KHDRBS2: variants seen among roughly 807,000 people sequenced by gnomAD.
The protein encoded by KHDRBS2 is KH RNA binding domain containing, signal transduction associated 2.
In KHDRBS2, 26 loss-of-function variants were observed where a neutral mutation model predicts 44.3. That is an observed-to-expected ratio of 0.59 (90% CI 0.43 to 0.81). The LOEUF (loss-of-function observed/expected upper bound fraction) is 0.81, where lower values mean the gene tolerates loss of function less well. KHDRBS2 is among the 40% of genes least tolerant of loss of function. KHDRBS2 has a pLI of 0.00. For synonymous variants in KHDRBS2, 194 were observed against 151.1 expected, an observed-to-expected ratio of 1.28 and a Z score of -2.08; for missense variants, 476 against 433.1, an observed-to-expected ratio of 1.10 and a Z score of -0.88.
the KHDRBS2 span, among the ~76,000 whole-genome samples, chr6:61,624,695 C>T: frequency 0.15 from 22,527 of 152,030 alleles, 2,097 homozygotes; most frequent in South Asian, 0.27. Context: ...TCTATGGCAC[C>T]GCTGGAGTGA....
chr6:61,713,246 T>C (rs1220211282), intron 7 of KHDRBS2, among the ~76,000 whole-genome samples: 1 of 151,680 alleles, frequency 6.6e-6, no homozygotes, highest in Non-Finnish European at 1.5e-5. Flanking sequence ...AACCATTCTG[T>C]TTCTAGCACC....
intron 4 of KHDRBS2, among the ~76,000 whole-genome samples, chr6:61,958,537 A>G (rs906352366): frequency 1.3e-5 from 2 of 152,212 alleles, no homozygotes; most frequent in African/African-American, 4.8e-5. Flanking sequence ...TCTCACCAAC[A>G]GTGATATTTC....
At chr6:62,065,541 C>G (rs1462347882) in intron 2 of KHDRBS2, among the ~76,000 whole-genome samples, 1 of 147,478 alleles carries the variant, frequency 6.8e-6, no homozygotes, top group Non-Finnish European at 1.5e-5. Flanking sequence ...GAACAAAAAA[C>G]CAAACACCGC....
intron 4 of KHDRBS2, among the ~76,000 whole-genome samples, chr6:61,967,082 T>C (rs533937553): frequency 2.6e-5 from 4 of 151,918 alleles, no homozygotes; most frequent in East Asian, 1.9e-4. Context: ...TAGTTTCCTT[T>C]ATAATTTTAA....
At chr6:61,567,972 G>T in the KHDRBS2 span, among the ~76,000 whole-genome samples, 1 of 151,908 alleles carries the variant, frequency 6.6e-6, no homozygotes, top group African/African-American at 2.4e-5. Flanking sequence ...GTAGTTTCAT[G>T]TCTTAAATAT....
intron 6 of KHDRBS2, among the ~76,000 whole-genome samples, chr6:61,766,346 A>G (rs1369141062): frequency 4.0e-5 from 6 of 151,498 alleles, no homozygotes; most frequent in Non-Finnish European, 8.8e-5. Flanking sequence ...CTCTGATTTT[A>G]TTTATTTGGG....
the KHDRBS2 span, among the ~76,000 whole-genome samples, chr6:61,557,194 G>A: frequency 6.6e-6 from 1 of 152,010 alleles, no homozygotes; most frequent in Non-Finnish European, 1.5e-5. Context: ...TTTAGAATAG[G>A]AGCATAATAA....
At chr6:61,774,926 C>T (rs1435752266) in intron 6 of KHDRBS2, among the ~76,000 whole-genome samples, 1 of 152,086 alleles carries the variant, frequency 6.6e-6, no homozygotes, top group African/African-American at 2.4e-5. Flanking sequence ...AGCAGCACAT[C>T]AAAAGGCTCA....
At chr6:61,779,790 G>A (rs1403518350) in intron 6 of KHDRBS2, among the ~76,000 whole-genome samples, 1 of 152,050 alleles carries the variant, frequency 6.6e-6, no homozygotes, top group Admixed American at 6.6e-5. Flanking sequence ...AACCCCAGGA[G>A]GTAGGGACTA....
chr6:61,957,589 G>A (rs1234820198), intron 4 of KHDRBS2, among the ~76,000 whole-genome samples: 2 of 152,138 alleles, frequency 1.3e-5, no homozygotes, highest in Admixed American at 6.5e-5. Context: ...TCATTAGGAC[G>A]AGGAAATTCC....
intron 3 of KHDRBS2, among the ~76,000 whole-genome samples, chr6:61,994,955 G>A (rs1393722111): frequency 4.6e-5 from 7 of 152,012 alleles, no homozygotes; most frequent in South Asian, 2.1e-4. Context: ...AAATGGGCAC[G>A]TCTGAGGAAT....
At chr6:61,571,573 G>A in the KHDRBS2 span, among the ~76,000 whole-genome samples, 78 of 151,898 alleles carry the variant, frequency 5.1e-4, no homozygotes, top group Admixed American at 4.6e-4. Flanking sequence ...CTTAACAGAC[G>A]TTTACAGAAC....
At chr6:62,265,288 C>T (rs1839007392) in intron 1 of KHDRBS2, among the ~76,000 whole-genome samples, 1 of 151,994 alleles carries the variant, frequency 6.6e-6, no homozygotes, top group African/African-American at 2.4e-5. Context: ...ACTGAAAAGA[C>T]TGTCTCCTGC....
chr6:61,574,489 C>G, the KHDRBS2 span: 8 of 1,156,208 alleles, frequency 6.9e-6, no homozygotes, highest in South Asian at 1.1e-4. Context: ...CCTACCAAAC[C>G]TGCATTAAAA....
the KHDRBS2 span, among the ~76,000 whole-genome samples, chr6:61,595,189 A>G: frequency 2.0e-5 from 3 of 152,170 alleles, no homozygotes; most frequent in South Asian, 6.2e-4. Flanking sequence ...CAACCTAAAA[A>G]CTCTTATAAT....
At chr6:62,066,642 T>C (rs1793796224) in intron 2 of KHDRBS2, among the ~76,000 whole-genome samples, 1 of 151,696 alleles carries the variant, frequency 6.6e-6, no homozygotes, top group African/African-American at 2.4e-5. Flanking sequence ...ATGAAATAAA[T>C]ATATATGCTT....
intron 2 of KHDRBS2, among the ~76,000 whole-genome samples, chr6:62,071,930 A>G (rs1431068796): frequency 2.6e-5 from 4 of 151,976 alleles, no homozygotes; most frequent in Non-Finnish European, 4.4e-5. Context: ...ATTACCTTGG[A>G]CAGTATGGCC....
chr6:61,858,027 G>T (rs1796393436), intron 6 of KHDRBS2, among the ~76,000 whole-genome samples: 1 of 151,796 alleles, frequency 6.6e-6, no homozygotes, highest in African/African-American at 2.4e-5. Context: ...AAGTAACATG[G>T]ACTCACTGTG....
chr6:61,865,021 C>G (rs1797571875), intron 6 of KHDRBS2, among the ~76,000 whole-genome samples: 1 of 152,134 alleles, frequency 6.6e-6, no homozygotes, highest in South Asian at 2.1e-4. Context: ...TTCAGACAGT[C>G]TTCAAGCTCT....
Sources: gnomAD v4.1 joint callset for allele counts (sites outside exome capture counted in the v4.1 genomes callset) on GRCh38, gnomAD v4.1.1 for gene constraint, MANE v1.5 for transcripts, NCBI Gene and HGNC (gene_info 2026-07-23, HGNC 2026-07-21) for gene names.